NEK7: variants seen among roughly 807,000 people sequenced by gnomAD.
NEK7 encodes NIMA related kinase 7.
In NEK7, 18 loss-of-function variants were observed where a neutral mutation model predicts 44.6. The ratio of observed to expected loss-of-function variants is 0.40; its 90% CI spans 0.28 to 0.60. NEK7 has a LOEUF of 0.60. NEK7 is among the 20% of genes least tolerant of loss of function. NEK7 has a pLI of 0.38. For synonymous variants in NEK7, 130 were observed against 121.1 expected (o/e 1.07, Z -0.48); for missense variants, 256 against 366.5 (o/e 0.70, Z 2.46).
intron 1 of NEK7, among the ~76,000 whole-genome samples, chr1:198,165,615 G>A (rs1284425338): frequency 3.3e-5 from 5 of 152,186 alleles, no homozygotes; most frequent in Non-Finnish European, 5.9e-5. Flanking sequence ...AAACTGATGT[G>A]CTGTTGCCCA....
In NEK7 at chr1:198,320,944, T is replaced by A. The variant is rs534078842; in HGVS notation, c.*1422T>A. On this transcript the variant is annotated 3_prime_UTR_variant, in exon 10 of 10. Transcript: ENST00000367385. ...GTTGTGCAGATGTGTTTTCCCTGAA[T>A]GCTTTCGTATTAGTGGCGACCAGTT... The A allele has an allele frequency of 2.0e-5, 3 of 152,474 alleles. No homozygotes were observed. Among genetic ancestry groups the A allele is most frequent in the Admixed American group, 6.5e-5 (1 of 15,310 alleles). 9.4% of individuals were successfully genotyped at this position (152,474 alleles called of 1,614,324 possible).
At chr1:198,287,168 G>C (rs1306465831) in intron 7 of NEK7, among the ~76,000 whole-genome samples, 1 of 152,148 alleles carries the variant, frequency 6.6e-6, no homozygotes, top group East Asian at 1.9e-4. Flanking sequence ...AGCATAATTA[G>C]GTGAAATTGT....
chr1:198,307,247 T>C (rs1655046007), intron 9 of NEK7, among the ~76,000 whole-genome samples: 1 of 152,180 alleles, frequency 6.6e-6, no homozygotes. Context: ...TAAATTATGG[T>C]ATAAATATCT....
chr1:198,258,077 C>T (rs114890359), intron 3 of NEK7, among the ~76,000 whole-genome samples: 3,749 of 152,178 alleles, frequency 0.025, 70 homozygotes, highest in African/African-American at 0.046. Flanking sequence ...AAGGCCTCTC[C>T]GAGGATGTGA....
At chr1:198,157,315 A>G (rs1367400683) in intron 1 of NEK7, 39 bp downstream of exon 1, 5 of 152,318 alleles carry the variant, frequency 3.3e-5, no homozygotes, top group African/African-American at 1.2e-4. Flanking sequence ...CGGACCGGGC[A>G]GCTCCTGCCG....
At chr1:198,186,396 TTTTTGTTTTG>T (rs533357562) in intron 1 of NEK7, among the ~76,000 whole-genome samples, 135 of 152,228 alleles carry the variant, frequency 8.9e-4, no homozygotes, top group African/African-American at 3.0e-3. Context: ...AAAGAGCAAG[TTTTTGTTTTG>T]TTTTGTTTTG....
intron 7 of NEK7, among the ~76,000 whole-genome samples, chr1:198,285,263 A>G (rs1260626610): frequency 6.6e-6 from 1 of 152,118 alleles, no homozygotes. Context: ...ATTGCTCGTA[A>G]TAGATACTCA....
chr1:198,173,430 T>A (rs7534959), intron 1 of NEK7, among the ~76,000 whole-genome samples: 22,079 of 137,254 alleles, frequency 0.16, 1,777 homozygotes, highest in East Asian at 0.24. Context: ...CTCTGTCTTT[T>A]AAAAAAAAAA....
intron 3 of NEK7, among the ~76,000 whole-genome samples, chr1:198,259,101 G>A (rs1653370661): frequency 6.6e-6 from 1 of 152,092 alleles, no homozygotes; most frequent in South Asian, 2.1e-4. Context: ...TTCTCCCTGT[G>A]TTTGAGGAGT....
At chr1:198,198,619 TTC>T (rs1665314795) in intron 1 of NEK7, among the ~76,000 whole-genome samples, 1 of 152,232 alleles carries the variant, frequency 6.6e-6, no homozygotes, top group Non-Finnish European at 1.5e-5. Context: ...ATGTTAGGTA[TTC>T]AGGGTTTTTT....
intron 1 of NEK7, among the ~76,000 whole-genome samples, chr1:198,173,390 C>G (rs1451698194): frequency 1.4e-5 from 2 of 148,066 alleles, no homozygotes; most frequent in Non-Finnish European, 3.0e-5. Context: ...GATTGTGCCA[C>G]TATACTCTGG....
intron 5 of NEK7, among the ~76,000 whole-genome samples, chr1:198,266,355 T>C (rs1274918489): frequency 6.6e-6 from 1 of 152,126 alleles, no homozygotes; most frequent in African/African-American, 2.4e-5. Context: ...TACCAATTTG[T>C]AGCTTTTAAA....
intron 7 of NEK7, among the ~76,000 whole-genome samples, chr1:198,288,615 A>G (rs1417129313): frequency 6.6e-6 from 1 of 152,176 alleles, no homozygotes; most frequent in African/African-American, 2.4e-5. Flanking sequence ...TACCTGACCA[A>G]CTTCCCTATG....
intron 1 of NEK7, among the ~76,000 whole-genome samples, chr1:198,160,147 G>T (rs1664060138): frequency 6.6e-6 from 1 of 152,096 alleles, no homozygotes; most frequent in East Asian, 1.9e-4. Context: ...GGAACTATCT[G>T]ATGTTTTAAG....
intron 5 of NEK7, among the ~76,000 whole-genome samples, chr1:198,275,450 T>A (rs1292387505): frequency 1.3e-5 from 2 of 151,322 alleles, no homozygotes; most frequent in Non-Finnish European, 3.0e-5. Flanking sequence ...AAAAACTTAC[T>A]ATATAACAAA....
At chr1:198,282,856 A>AC (rs1654250091) in intron 7 of NEK7, among the ~76,000 whole-genome samples, 1 of 152,136 alleles carries the variant, frequency 6.6e-6, no homozygotes, top group Admixed American at 6.6e-5. Context: ...CCTGAGCAAG[A>AC]CAAGTCCATG....
At chr1:198,210,737 ATTTCTT>A (rs1665739608) in intron 1 of NEK7, among the ~76,000 whole-genome samples, 1 of 52,426 alleles carries the variant, frequency 1.9e-5, no homozygotes. Flanking sequence ...TTCAATTTGT[ATTTCTT>A]TTTTTTTTTT....
intron 2 of NEK7, among the ~76,000 whole-genome samples, chr1:198,252,236 G>C (rs773533975): frequency 6.6e-6 from 1 of 152,036 alleles, no homozygotes; most frequent in Admixed American, 6.6e-5. Context: ...TGTGGTCTGA[G>C]AGACAGTTTG....
At chr1:198,174,365 C>A (rs970806477) in intron 1 of NEK7, among the ~76,000 whole-genome samples, 3 of 146,216 alleles carry the variant, frequency 2.1e-5, no homozygotes, top group Admixed American at 1.4e-4. Context: ...GACGTTTATG[C>A]TTGGTAAAAA....
Sources: allele counts gnomAD v4.1 joint callset (sites outside exome capture counted in the v4.1 genomes callset), GRCh38; gene constraint gnomAD v4.1.1; transcripts MANE v1.5; gene names NCBI Gene and HGNC (gene_info 2026-07-23, HGNC 2026-07-21).